Variants in NRXN3 observed in about 807,000 individuals in gnomAD.
NRXN3 encodes neurexin 3, also known as neurexin III.
Under a neutral mutation model 137.6 loss-of-function variants are expected in NRXN3, and 32 were observed. That is an observed-to-expected ratio of 0.23 (90% confidence interval 0.18 to 0.31). The LOEUF is 0.31. Ranked by LOEUF, NRXN3 falls within the 10% of genes least tolerant of loss-of-function variation. The pLI is 1.00. For synonymous variants in NRXN3, 798 were observed against 784.5 expected (o/e 1.02, Z -0.29); for missense variants, 1,574 against 2,062.5 (o/e 0.76, Z 4.59).
In NRXN3 at chr14:78,882,197, C is replaced by T. The variant is rs2099130962; in HGVS notation, c.2275+71853C>T. Among the ~76,000 whole-genome samples the T allele has an allele frequency of 2.6e-5, 4 of 151,760 alleles. 1 individual carries two copies. Among genetic ancestry groups the T allele is most frequent in the African/African-American group, 9.7e-5 (4 of 41,038 alleles). On this transcript the variant is annotated intron_variant, in intron 10 of 20. Coordinates refer to ENST00000335750, the MANE Select transcript of NRXN3 (RefSeq NM_001330195.2). ...CAGAAGTCTGCTGCAGGGGCAGAGC[C>T]CTCATGGAGAAGCTCTACTAGGGCA...
At chr14:78,909,475 G>C (rs1410459992) in intron 10 of NRXN3, among the ~76,000 whole-genome samples, 1 of 152,098 alleles carries the variant, frequency 6.6e-6, no homozygotes, top group African/African-American at 2.4e-5. Context: ...AGCTTCAATA[G>C]CAAGATCTTT....
intron 16 of NRXN3, among the ~76,000 whole-genome samples, chr14:79,594,429 A>G (rs2097842124): frequency 6.6e-6 from 1 of 152,232 alleles, no homozygotes; most frequent in Admixed American, 6.5e-5. Context: ...GTGATGAATT[A>G]CAGTACTAGA....
At chr14:79,228,966 C>T (rs2071603377) in intron 15 of NRXN3, among the ~76,000 whole-genome samples, 2 of 152,044 alleles carry the variant, frequency 1.3e-5, no homozygotes, top group Admixed American at 1.3e-4. Flanking sequence ...CAGAGTGTAA[C>T]AAAGAGATCA....
intron 16 of NRXN3, among the ~76,000 whole-genome samples, chr14:79,499,956 C>CATGTGTGTGTGTGTGTGTGTGTGTGTGT (rs60538373): frequency 1.7e-4 from 25 of 145,136 alleles, no homozygotes; most frequent in Admixed American, 6.3e-4. Flanking sequence ...ATCTTAGGGT[C>CATGTGTGTGTGTGTGTGTGTGTGTGTGT]GTGTGTGTGT....
chr14:78,545,382 T>C (rs141973189), intron 4 of NRXN3, among the ~76,000 whole-genome samples: 4 of 152,334 alleles, frequency 2.6e-5, no homozygotes, highest in Non-Finnish European at 5.9e-5. Context: ...TTCCTAAGTG[T>C]ATTCTTTTCT....
At chr14:78,794,040 T>C (rs1190846112) in intron 8 of NRXN3, among the ~76,000 whole-genome samples, 2 of 152,162 alleles carry the variant, frequency 1.3e-5, no homozygotes, top group Non-Finnish European at 2.9e-5. Context: ...TCATTTTTCA[T>C]AGGAATAAGG....
intron 15 of NRXN3, among the ~76,000 whole-genome samples, chr14:79,340,160 GGTGTGTGTGTGTGTGT>G (rs10533702): frequency 6.8e-6 from 1 of 146,638 alleles, no homozygotes; most frequent in African/African-American, 2.5e-5. Context: ...TGAATTTAAG[GGTGTGTGTGTGTGTGT>G]GTGTGTGTGT....
At chr14:78,782,805 C>T (rs1222028870) in intron 8 of NRXN3, among the ~76,000 whole-genome samples, 1 of 152,188 alleles carries the variant, frequency 6.6e-6, no homozygotes, top group Non-Finnish European at 1.5e-5. Context: ...AAGTGGCAGG[C>T]CTCATATAGA....
At chr14:79,838,374 G>C (rs952715776) in intron 20 of NRXN3, among the ~76,000 whole-genome samples, 1 of 152,212 alleles carries the variant, frequency 6.6e-6, no homozygotes, top group Non-Finnish European at 1.5e-5. Flanking sequence ...AGTGGAGACT[G>C]TAAGTGGGTT....
intron 15 of NRXN3, among the ~76,000 whole-genome samples, chr14:79,207,597 T>C (rs1019606034): frequency 6.6e-6 from 1 of 152,198 alleles, no homozygotes; most frequent in Non-Finnish European, 1.5e-5. Context: ...GATGAGCATG[T>C]GGCATAAGGG....
intron 19 of NRXN3, among the ~76,000 whole-genome samples, chr14:79,716,991 G>C (rs2098825899): frequency 6.6e-6 from 1 of 152,120 alleles, no homozygotes. Context: ...TAATGGCAGG[G>C]AGCATTCCGT....
chr14:78,613,549 C>T (rs2097317739), intron 4 of NRXN3, among the ~76,000 whole-genome samples: 1 of 143,112 alleles, frequency 7.0e-6, no homozygotes, highest in Non-Finnish European at 1.5e-5. Flanking sequence ...AGTCTTTAAG[C>T]AAGAGGAGAA....
At chr14:78,768,990 A>G (rs950081430) in intron 8 of NRXN3, among the ~76,000 whole-genome samples, 1 of 152,164 alleles carries the variant, frequency 6.6e-6, no homozygotes, top group African/African-American at 2.4e-5. Flanking sequence ...CTCCATCTTC[A>G]TCTCCATCTC....
chr14:79,213,723 G>A (rs973220477), intron 15 of NRXN3, among the ~76,000 whole-genome samples: 1 of 151,948 alleles, frequency 6.6e-6, no homozygotes, highest in Non-Finnish European at 1.5e-5. Context: ...ATCTTCCTAA[G>A]ATAGAACTCC....
intron 4 of NRXN3, among the ~76,000 whole-genome samples, chr14:78,572,810 G>A (rs1286499869): frequency 1.3e-5 from 2 of 152,188 alleles, no homozygotes; most frequent in Non-Finnish European, 2.9e-5. Flanking sequence ...TGAGCACATG[G>A]TAGATTATGA....
chr14:79,139,104 G>T (rs915757816), intron 15 of NRXN3, among the ~76,000 whole-genome samples: 1 of 152,192 alleles, frequency 6.6e-6, no homozygotes, highest in Non-Finnish European at 1.5e-5. Flanking sequence ...CCTGAATTGT[G>T]CCTTTGAATG....
At chr14:79,561,798 TAAGAA>T (rs988888805) in intron 16 of NRXN3, among the ~76,000 whole-genome samples, 8 of 152,082 alleles carry the variant, frequency 5.3e-5, no homozygotes, top group African/African-American at 9.7e-5. Context: ...AATCTGTCTT[TAAGAA>T]AAGAAAAGAA....
chr14:79,055,533 G>GAA (rs2099658008), intron 15 of NRXN3, among the ~76,000 whole-genome samples: 1 of 152,044 alleles, frequency 6.6e-6, no homozygotes, highest in Non-Finnish European at 1.5e-5. Flanking sequence ...AAGGTTAGAG[G>GAA]AAAACATCTA....
chr14:79,055,780 G>A (rs1054149064), intron 15 of NRXN3, among the ~76,000 whole-genome samples: 1 of 152,098 alleles, frequency 6.6e-6, no homozygotes, highest in African/African-American at 2.4e-5. Flanking sequence ...CTGGAGTTAG[G>A]AGCATTCTAA....
Sources: gnomAD v4.1 joint callset for allele counts (sites outside exome capture counted in the v4.1 genomes callset) on GRCh38, gnomAD v4.1.1 for gene constraint, MANE v1.5 for transcripts, NCBI Gene and HGNC (gene_info 2026-07-23, HGNC 2026-07-21) for gene names.